Variants in SLC9C1 observed in about 807,000 individuals in gnomAD.
SLC9C1 encodes solute carrier family 9 member C1, also known as sodium/hydrogen exchanger 10.
A neutral mutation model predicts 140.9 loss-of-function variants in SLC9C1; 97 were observed. That is an observed-to-expected ratio of 0.69 (90% CI 0.58 to 0.82). The LOEUF (loss-of-function observed/expected upper bound fraction) is 0.82, where lower values mean the gene tolerates loss of function less well. Ranked by LOEUF, SLC9C1 falls within the 40% of genes least tolerant of loss-of-function variation. SLC9C1 has a pLI of 0.00. For missense variants in SLC9C1, 1,340 were observed against 1,389.3 expected (o/e 0.96, Z 0.56); for synonymous variants, 440 against 442.6 (o/e 0.99, Z 0.07).
At chr3:112,211,691 G>A (rs1007383340) in intron 15 of SLC9C1, among the ~76,000 whole-genome samples, 6 of 152,234 alleles carry the variant, frequency 3.9e-5, no homozygotes, top group Non-Finnish European at 8.8e-5. Flanking sequence ...GCTTGAGTAG[G>A]TAAATAAAGT....
intron 23 of SLC9C1, among the ~76,000 whole-genome samples, chr3:112,176,665 T>G (rs552434915): frequency 6.6e-5 from 10 of 152,320 alleles, no homozygotes; most frequent in African/African-American, 1.9e-4. Flanking sequence ...TGAAAATTGT[T>G]GATTTTTGTT....
intron 23 of SLC9C1, among the ~76,000 whole-genome samples, chr3:112,179,155 G>A (rs1046749877): frequency 6.6e-6 from 1 of 152,142 alleles, no homozygotes; most frequent in Non-Finnish European, 1.5e-5. Flanking sequence ...TCAATCATGT[G>A]TAGGGAAACT....
At chr3:112,238,250 G>A (rs548128886) in intron 12 of SLC9C1, among the ~76,000 whole-genome samples, 24 of 152,022 alleles carry the variant, frequency 1.6e-4, no homozygotes, top group Admixed American at 7.9e-4. Context: ...TGATTGAATC[G>A]GCTACTGAAG....
intron 6 of SLC9C1, 48 bp downstream of exon 6, chr3:112,274,849 A>G: frequency 7.1e-7 from 1 of 1,412,846 alleles, no homozygotes; most frequent in Non-Finnish European, 9.4e-7. Flanking sequence ...AGCTTTCAGA[A>G]AATACAGGAT....
At chr3:112,241,002 G>A (rs1002344949) in intron 11 of SLC9C1, among the ~76,000 whole-genome samples, 8 of 151,356 alleles carry the variant, frequency 5.3e-5, no homozygotes, top group Non-Finnish European at 1.0e-4. Context: ...ATGGGGGCAG[G>A]TGGGGATGGT....
At chr3:112,226,474 C>A (rs574841891) in intron 13 of SLC9C1, among the ~76,000 whole-genome samples, 1 of 152,250 alleles carries the variant, frequency 6.6e-6, no homozygotes, top group Non-Finnish European at 1.5e-5. Flanking sequence ...GTAATCCCAG[C>A]ACTTTCGGAG....
intron 20 of SLC9C1, chr3:112,185,781 C>A (rs1285085535): frequency 1.8e-5 from 28 of 1,550,350 alleles, no homozygotes; most frequent in Non-Finnish European, 6.1e-6. Flanking sequence ...CCGCACGATG[C>A]GGCTGCGAGA....
intron 14 of SLC9C1, among the ~76,000 whole-genome samples, chr3:112,219,257 G>C (rs1191500393): frequency 6.6e-6 from 1 of 152,098 alleles, no homozygotes; most frequent in Non-Finnish European, 1.5e-5. Context: ...CCTGACACAT[G>C]AGGCACTCAT....
intron 23 of SLC9C1, among the ~76,000 whole-genome samples, chr3:112,173,393 G>A (rs1033704046): frequency 2.6e-5 from 4 of 151,658 alleles, no homozygotes; most frequent in East Asian, 1.9e-4. Flanking sequence ...AAGCATAATG[G>A]TACATGATAA....
At chr3:112,211,147 T>C (rs1182081570) in intron 15 of SLC9C1, among the ~76,000 whole-genome samples, 1 of 152,196 alleles carries the variant, frequency 6.6e-6, no homozygotes, top group African/African-American at 2.4e-5. Flanking sequence ...TTTCAGATAA[T>C]AAAATATGCA....
intron 6 of SLC9C1, among the ~76,000 whole-genome samples, chr3:112,274,511 G>T (rs2080161940): frequency 6.6e-6 from 1 of 152,014 alleles, no homozygotes; most frequent in African/African-American, 2.4e-5. Flanking sequence ...GCCTGCATGA[G>T]ATATAGTTCC....
At chr3:112,206,842 G>A (rs4280608) in intron 16 of SLC9C1, among the ~76,000 whole-genome samples, 109,804 of 145,786 alleles carry the variant, frequency 0.75, 41,840 homozygotes, top group East Asian at 0.99. Context: ...GGATCCTGTC[G>A]TGGGGTCGGG....
At chr3:112,197,415 A>G (rs1464702531) in intron 20 of SLC9C1, among the ~76,000 whole-genome samples, 1 of 152,154 alleles carries the variant, frequency 6.6e-6, no homozygotes, top group Non-Finnish European at 1.5e-5. Flanking sequence ...ATCAGAGTAC[A>G]GATGCAAGAT....
intron 23 of SLC9C1, among the ~76,000 whole-genome samples, chr3:112,169,931 G>C (rs550445995): frequency 5.3e-5 from 8 of 152,080 alleles, no homozygotes; most frequent in Admixed American, 5.2e-4. Context: ...AAATTTGATT[G>C]CTTTATGCAA....
intron 20 of SLC9C1, among the ~76,000 whole-genome samples, chr3:112,188,810 C>T (rs1300016668): frequency 6.6e-6 from 1 of 152,218 alleles, no homozygotes; most frequent in African/African-American, 2.4e-5. Context: ...GGAATCATCA[C>T]TGTCTTCCAC....
rs144377615 is a variant in SLC9C1, at chr3:112,156,862, A to G, written c.3365-1813T>C. On this transcript the variant is annotated intron_variant, in intron 26 of 28. Coordinates refer to ENST00000305815, the MANE Select transcript of SLC9C1 (RefSeq NM_183061.3). ...GTCTCTTCAGATCTTTTGTGTATTT[A>G]AAAATCAAGTACTTGTGTTTTTGCT... 6.8e-4 allele frequency among the ~76,000 whole-genome samples: 104 copies of G among 151,894 alleles called. No individual in the cohort carries two copies. In the East Asian group the frequency reaches 0.018, roughly 27 times the overall value.
intron 13 of SLC9C1, 42 bp from the exon 14 acceptor site, chr3:112,221,267 C>A: frequency 6.6e-7 from 1 of 1,505,116 alleles, no homozygotes; most frequent in South Asian, 1.2e-5. Context: ...GCATGAATAA[C>A]GATGACAACT....
chr3:112,274,878 T>A lies in SLC9C1; in HGVS notation c.613+19A>T. On this transcript the variant is annotated intron_variant, in intron 6 of 28. Transcript: ENST00000305815. ...ACAGGATTCTGATGTTGAGAAAAATTTTTTAAAAATATACTTACCTAAGGT... is the reference window on the plus strand; with the variant it reads ...ACAGGATTCTGATGTTGAGAAAAATATTTTAAAAATATACTTACCTAAGGT... 6.6e-7 allele frequency: 1 copy of A among 1,519,070 alleles called. No homozygotes were observed. Among genetic ancestry groups the A allele is most frequent in the Non-Finnish European group, 8.8e-7 (1 of 1,139,138 alleles). 94.1% of individuals were successfully genotyped at this position (1,519,070 alleles called of 1,614,324 possible).
chr3:112,170,085 A>C (rs965696776), intron 23 of SLC9C1, among the ~76,000 whole-genome samples: 17 of 152,192 alleles, frequency 1.1e-4, no homozygotes, highest in African/African-American at 3.9e-4. Context: ...GGTGTAGGCA[A>C]AGAATTCATG....
Sources: gnomAD v4.1 joint callset for allele counts (sites outside exome capture counted in the v4.1 genomes callset) on GRCh38, gnomAD v4.1.1 for gene constraint, MANE v1.5 for transcripts, NCBI Gene and HGNC (gene_info 2026-07-23, HGNC 2026-07-21) for gene names.